The following F13B variants were observed in gnomAD, a reference collection of about 807,000 sequenced individuals.
F13B encodes TGase.
In F13B, 58 loss-of-function variants were observed where a neutral mutation model predicts 79.8. The ratio of observed to expected loss-of-function variants is 0.73; its 90% CI spans 0.59 to 0.90. F13B has a LOEUF of 0.90. Among genes scored for constraint, F13B ranks in the 40% least tolerant of loss-of-function variants. The pLI, the probability that F13B is intolerant of heterozygous loss-of-function variation, is 0.00. For missense variants in F13B, 773 were observed against 777.0 expected, an observed-to-expected ratio of 0.99 and a Z score of 0.06; for synonymous variants, 283 against 260.3, an observed-to-expected ratio of 1.09 and a Z score of -0.84.
intron 5 of F13B, among the ~76,000 whole-genome samples, chr1:197,058,547 C>T (rs1365607781): frequency 3.3e-5 from 5 of 152,098 alleles, no homozygotes; most frequent in Non-Finnish European, 4.4e-5. Flanking sequence ...GGCTCACAAC[C>T]CCTTCCTCAA....
chr1:197,066,033 T>C, intron 1 of F13B, among the ~76,000 whole-genome samples: 1 of 152,206 alleles, frequency 6.6e-6, no homozygotes, highest in South Asian at 2.1e-4. Flanking sequence ...TATAACCTTA[T>C]AATAATTAGA....
At chr1:197,057,664 T>C (rs1655698427) in intron 5 of F13B, among the ~76,000 whole-genome samples, 199 bp from the exon 6 acceptor site, 1 of 152,162 alleles carries the variant, frequency 6.6e-6, no homozygotes, top group Non-Finnish European at 1.5e-5. Flanking sequence ...GACTTGCTTC[T>C]AGCCCACAAA....
chr1:197,039,545 CT>C, intron 11 of F13B, 134 bp from the exon 12 acceptor site: 1 of 674,818 alleles, frequency 1.5e-6, no homozygotes, highest in Non-Finnish European at 2.6e-6. Flanking sequence ...AATGATCTTA[CT>C]TAGTAAATAA....
intron 4 of F13B, 86 bp downstream of exon 4, chr1:197,060,813 A>G (rs879087100): frequency 1.3e-5 from 16 of 1,266,532 alleles, no homozygotes; most frequent in Non-Finnish European, 1.6e-5. Flanking sequence ...AAGGTGAAAC[A>G]TAATGAGCAT....
At position 197,039,358 on chromosome 1, in the gene F13B, CCT is replaced by C. The variant is rs752767349; in HGVS notation, c.*18_*19del. 37 of 1,594,152 alleles carry C rather than the reference CCT, an allele frequency of 2.3e-5. No individual in the cohort carries two copies. The highest frequency in any genetic ancestry group is 2.0e-5 in the Non-Finnish European group (23 of 1,163,486). ...TTTCATGATGTATTGAAATATGACT[CCT>C]CTTTCTGCCATTCATTTCTATGTTC... On this transcript the variant is annotated 3_prime_UTR_variant, in exon 12 of 12. Transcript: ENST00000367412.
In F13B at chr1:197,057,101, T is replaced by G; in HGVS notation, c.1083A>C (p.Thr361=). The change falls in exon 7 of 12, where the codon ACA becomes ACC. Residue 361 remains threonine, a synonymous_variant. Coordinates refer to ENST00000367412, the MANE Select transcript of F13B (RefSeq NM_001994.3). The part of the protein sequence containing the change: ...SKIYYNGDKV[T]YACKSGYLLH... Reference sequence around the variant, plus strand: ...GAAGGTAGCCGCTTTTACATGCATATGTCACTTTATCCCCATTGTAATAAA... The same window carrying G: ...GAAGGTAGCCGCTTTTACATGCATAGGTCACTTTATCCCCATTGTAATAAA... 1 of 1,613,868 alleles carries G rather than the reference T, an allele frequency of 6.2e-7. No individual in the cohort carries two copies. The highest frequency in any genetic ancestry group is 8.5e-7 in the Non-Finnish European group (1 of 1,179,904).
chr1:197,062,776 T>A, intron 2 of F13B, 81 bp downstream of exon 2: 1 of 1,380,508 alleles, frequency 7.2e-7, no homozygotes. Flanking sequence ...TTAACCGCTT[T>A]CCATTTTTAT....
chr1:197,065,305 T>C (rs1656007414), intron 1 of F13B, among the ~76,000 whole-genome samples: 3 of 152,116 alleles, frequency 2.0e-5, no homozygotes, highest in East Asian at 3.9e-4. Flanking sequence ...TTTGTTAAGG[T>C]AGCTGGAATG....
chr1:197,061,431 A>C (rs1037118712), intron 3 of F13B, among the ~76,000 whole-genome samples: 4 of 152,146 alleles, frequency 2.6e-5, no homozygotes, highest in African/African-American at 9.6e-5. Flanking sequence ...AACTATTTTT[A>C]AGTATATCTG....
intron 1 of F13B, among the ~76,000 whole-genome samples, chr1:197,066,574 C>T (rs1012039131): frequency 6.6e-6 from 1 of 152,120 alleles, no homozygotes; most frequent in Non-Finnish European, 1.5e-5. Flanking sequence ...ATGTGTTGTC[C>T]AAACAGTTAT....
intron 10 of F13B, among the ~76,000 whole-genome samples, chr1:197,048,329 G>GA (rs1160845207): frequency 6.6e-6 from 1 of 151,460 alleles, no homozygotes; most frequent in African/African-American, 2.4e-5. Flanking sequence ...CATTACAAGG[G>GA]AAAAAATTAT....
intron 10 of F13B, among the ~76,000 whole-genome samples, chr1:197,041,641 A>C (rs895024579): frequency 6.6e-6 from 1 of 152,132 alleles, no homozygotes; most frequent in African/African-American, 2.4e-5. Context: ...GATACATTTC[A>C]AGAGCCCCAG....
intron 10 of F13B, among the ~76,000 whole-genome samples, chr1:197,046,935 G>A (rs1049598936): frequency 6.6e-6 from 1 of 152,150 alleles, no homozygotes; most frequent in African/African-American, 2.4e-5. Flanking sequence ...CATAAATGGT[G>A]TTGGGAAAAC....
At position 197,045,484 on chromosome 1, in the gene F13B, C is replaced by T. The variant is rs563149846; in HGVS notation, c.1739-4749G>A. Among the ~76,000 whole-genome samples, 14 of 152,194 alleles carry T rather than the reference C, an allele frequency of 9.2e-5. No individual in the cohort carries two copies. In the South Asian group the frequency reaches 2.7e-3, roughly 29 times the overall value. ...GAAAGAAGTTGAATGTCTGAATAGA[C>T]CAATAACAGGGTCTGAAATTGAGGC... On this transcript the variant is annotated intron_variant, in intron 10 of 11. Coordinates refer to ENST00000367412, the MANE Select transcript of F13B (RefSeq NM_001994.3).
intron 1 of F13B, among the ~76,000 whole-genome samples, chr1:197,066,186 T>C (rs1240656881): frequency 6.6e-6 from 1 of 152,136 alleles, no homozygotes; most frequent in African/African-American, 2.4e-5. Flanking sequence ...AAGTATAAAA[T>C]AAGATTAATT....
At chr1:197,040,760 A>G (rs1655011757) in intron 10 of F13B, 25 bp from the exon 11 acceptor site, 2 of 1,546,588 alleles carry the variant, frequency 1.3e-6, no homozygotes, top group Non-Finnish European at 1.8e-6. Context: ...TTAAAAAAAA[A>G]GAAAGAAAAA....
chr1:197,052,228 T>C (rs1655467950), intron 9 of F13B, among the ~76,000 whole-genome samples: 1 of 152,068 alleles, frequency 6.6e-6, no homozygotes, highest in Non-Finnish European at 1.5e-5. Flanking sequence ...TGAGACACCA[T>C]TTCACACCAG....
intron 10 of F13B, among the ~76,000 whole-genome samples, chr1:197,041,352 A>G (rs1655031542): frequency 2.0e-5 from 3 of 152,206 alleles, no homozygotes; most frequent in Admixed American, 2.0e-4. Flanking sequence ...ATCGTAAACC[A>G]AAGAGAATGG....
rs779125550 is a variant in F13B at position 197,050,735 on chromosome 1, C to T, written c.1700G>A (p.Cys567Tyr). ...TGGTGTAGTCCACATTCCATCTAAA[C>T]AATAGGCCTCCCTAGATCCTTCTAG... ...HFLEGSREAYCLDGMWTTPPL... is the reference protein window; with the variant it reads ...HFLEGSREAYYLDGMWTTPPL... The change falls in exon 10 of 12, where the codon TGT becomes TAT. Residue 567 changes from cysteine (C) to tyrosine (Y), a missense_variant. Transcript: ENST00000367412. The T allele has an allele frequency of 8.1e-6, 13 of 1,613,100 alleles. No individual in the cohort carries two copies. The Admixed American group carries it at 1.0e-4, about 12-fold the overall frequency.
Sources: allele counts gnomAD v4.1 joint callset (sites outside exome capture counted in the v4.1 genomes callset), GRCh38; gene constraint gnomAD v4.1.1; transcripts MANE v1.5; gene names NCBI Gene and HGNC (gene_info 2026-07-23, HGNC 2026-07-21).